NEDD4: variants seen among roughly 807,000 people sequenced by gnomAD.
NEDD4 encodes the protein E3 ubiquitin-protein ligase NEDD4.
In NEDD4, 99 loss-of-function variants were observed where a neutral mutation model predicts 144.9. That is an observed-to-expected ratio of 0.68 (90% CI 0.58 to 0.81). NEDD4 has a LOEUF of 0.81. Ranked by LOEUF, NEDD4 falls within the 30% of genes least tolerant of loss-of-function variation. The pLI, the probability that NEDD4 is intolerant of heterozygous loss-of-function variation, is 0.00. For missense variants in NEDD4, 985 were observed against 1,065.9 expected, an observed-to-expected ratio of 0.92 and a Z score of 1.06; for synonymous variants, 318 against 350.6, an observed-to-expected ratio of 0.91 and a Z score of 1.04.
At chr15:55,986,785 TG>T (rs1765319627) in intron 1 of NEDD4, among the ~76,000 whole-genome samples, 1 of 150,888 alleles carries the variant, frequency 6.6e-6, no homozygotes, top group Non-Finnish European at 1.5e-5. Context: ...TTAGTGGAGA[TG>T]GGGTTTCACC....
chr15:55,831,028 C>T (rs575612317), intron 27 of NEDD4, among the ~76,000 whole-genome samples: 18 of 152,244 alleles, frequency 1.2e-4, no homozygotes, highest in African/African-American at 3.9e-4. Flanking sequence ...AAATGATTCT[C>T]ATGCCTCAGC....
intron 5 of NEDD4, among the ~76,000 whole-genome samples, chr15:55,894,519 T>C (rs1288552126): frequency 6.6e-6 from 1 of 152,212 alleles, no homozygotes; most frequent in African/African-American, 2.4e-5. Flanking sequence ...CTTGAAATTC[T>C]ACGGCCCTTA....
intron 2 of NEDD4, among the ~76,000 whole-genome samples, chr15:55,955,864 G>A (rs1283165504): frequency 1.4e-5 from 2 of 146,294 alleles, no homozygotes; most frequent in Non-Finnish European, 1.5e-5. Context: ...CACCTAGGCT[G>A]GAGTAAGGTG....
At chr15:55,941,573 T>C (rs2037005652) in intron 4 of NEDD4, among the ~76,000 whole-genome samples, 1 of 151,798 alleles carries the variant, frequency 6.6e-6, no homozygotes, top group Admixed American at 6.6e-5. Flanking sequence ...ATTTCTTTTT[T>C]TTTTTTTTTG....
intron 2 of NEDD4, among the ~76,000 whole-genome samples, chr15:55,965,427 C>G (rs2037495729): frequency 6.6e-6 from 1 of 152,020 alleles, no homozygotes; most frequent in South Asian, 2.1e-4. Flanking sequence ...GTCTCAAACT[C>G]CTGAGCTCAA....
intron 1 of NEDD4, among the ~76,000 whole-genome samples, chr15:55,986,434 C>T (rs551599999): frequency 1.3e-5 from 2 of 152,162 alleles, no homozygotes; most frequent in South Asian, 4.2e-4. Context: ...TCATGTGTCC[C>T]CTGGTGTGAT....
intron 5 of NEDD4, among the ~76,000 whole-genome samples, chr15:55,913,323 TTAA>T (rs2036334289): frequency 6.6e-6 from 1 of 152,050 alleles, no homozygotes; most frequent in Non-Finnish European, 1.5e-5. Flanking sequence ...TATAATTAGA[TTAA>T]TATATAATTA....
At chr15:55,938,770 T>C (rs1394490404) in intron 4 of NEDD4, among the ~76,000 whole-genome samples, 1 of 150,448 alleles carries the variant, frequency 6.6e-6, no homozygotes, top group Non-Finnish European at 1.5e-5. Flanking sequence ...CATAACCCAA[T>C]AGTAAAAAAA....
At chr15:55,974,621 A>C (rs2037668153) in intron 1 of NEDD4, among the ~76,000 whole-genome samples, 1 of 152,148 alleles carries the variant, frequency 6.6e-6, no homozygotes, top group Admixed American at 6.5e-5. Context: ...CAACATACAC[A>C]AATGAAAGTC....
rs76156695 is a variant in NEDD4, at chr15:55,927,070, T to C, written c.238-2371A>G. 1.4e-4 allele frequency among the ~76,000 whole-genome samples: 13 copies of C among 94,708 alleles called. 1 individual carries two copies. In the East Asian group the frequency reaches 3.3e-3, roughly 24 times the overall value. The allele number at this position is 94,708 out of a possible 152,430, so 62.1% of individuals were successfully genotyped here. A position where few individuals can be genotyped will look rare whatever the true frequency, so the allele number is the denominator to read the frequency against. ...TCCAGCCTGGGCAACAGAGTGAGAC[T>C]ACGTCTCAAAAAAAAAAAAAAAAAA... On this transcript the variant is annotated intron_variant, in intron 4 of 28. Transcript: ENST00000435532.
Position 55,846,993 on chromosome 15 carries a change from G to T in NEDD4, c.1584C>A (p.Phe528Leu). 1 of 1,609,726 alleles carries T rather than the reference G, an allele frequency of 6.2e-7. No individual in the cohort carries two copies. Among genetic ancestry groups the T allele is most frequent in the South Asian group, 1.1e-5 (1 of 90,732 alleles). Reference sequence around the variant, plus strand: ...CCTGCTTCTTCAACTTTCTTCGGAAGAACTCATACTTTCTTTTGTAATCCC... The same window carrying T: ...CCTGCTTCTTCAACTTTCTTCGGAATAACTCATACTTTCTTTTGTAATCCC... Reference protein sequence around the residue: ...YSRDYKRKYEFFRRKLKKQND... With the variant: ...YSRDYKRKYELFRRKLKKQND... The change falls in exon 18 of 29, where the codon TTC becomes TTA. Residue 528 changes from phenylalanine (F) to leucine (L), a missense_variant. Transcript: ENST00000435532.
At position 55,917,197 on chromosome 15, in the gene NEDD4, C is replaced by A. The variant is rs376937793; in HGVS notation, c.291+7449G>T. 3 of 979,866 alleles carry A rather than the reference C, an allele frequency of 3.1e-6. No homozygotes were observed. In the African/African-American group the frequency reaches 5.6e-5, roughly 18 times the overall value. 60.7% of individuals were successfully genotyped at this position (979,866 alleles called of 1,614,324 possible). Reference sequence around the variant, plus strand: ...TTCTCCAATTTGCATGAATGAGTAACACAAGAACAACAATCTTCTAACATT... The same window carrying A: ...TTCTCCAATTTGCATGAATGAGTAAAACAAGAACAACAATCTTCTAACATT... On this transcript the variant is annotated intron_variant, in intron 5 of 28. Coordinates refer to ENST00000435532, the MANE Select transcript of NEDD4 (RefSeq NM_006154.4).
chr15:55,882,946 A>C (rs2035248535), intron 5 of NEDD4, among the ~76,000 whole-genome samples: 1 of 152,212 alleles, frequency 6.6e-6, no homozygotes, highest in South Asian at 2.1e-4. Context: ...TACAGGTTTC[A>C]GGTGAAATCC....
chr15:55,875,239 TA>T (rs2034953612), intron 5 of NEDD4, among the ~76,000 whole-genome samples: 1 of 152,136 alleles, frequency 6.6e-6, no homozygotes, highest in African/African-American at 2.4e-5. Flanking sequence ...AATAAGGTCA[TA>T]ATGAATGAAA....
At chr15:55,895,763 G>A (rs1180093846) in intron 5 of NEDD4, among the ~76,000 whole-genome samples, 2 of 152,210 alleles carry the variant, frequency 1.3e-5, no homozygotes, top group African/African-American at 4.8e-5. Context: ...GAAACCAGGA[G>A]GAGTGAGCAA....
At position 55,856,113 on chromosome 15, in the gene NEDD4, G is replaced by A. The variant is rs764612309; in HGVS notation, c.1026+18C>T. 2 of 1,597,974 alleles carry A rather than the reference G, an allele frequency of 1.3e-6. No individual in the cohort carries two copies. Among genetic ancestry groups the A allele is most frequent in the South Asian group, 1.1e-5 (1 of 90,698 alleles). On this transcript the variant is annotated intron_variant, in intron 12 of 28. Coordinates refer to ENST00000435532, the MANE Select transcript of NEDD4 (RefSeq NM_006154.4). Reference sequence around the variant, plus strand: ...AGTTTTATATTTTTATTGATTGATGGGAGAGGGTAAAACTCACCACAGGAA... The same window carrying A: ...AGTTTTATATTTTTATTGATTGATGAGAGAGGGTAAAACTCACCACAGGAA...
At chr15:55,845,058 C>G (rs910742377) in intron 18 of NEDD4, among the ~76,000 whole-genome samples, 1 of 152,092 alleles carries the variant, frequency 6.6e-6, no homozygotes, top group Non-Finnish European at 1.5e-5. Flanking sequence ...TGTCTAGATA[C>G]AGATTTTATT....
At chr15:55,958,361 C>G (rs1302817028) in intron 2 of NEDD4, among the ~76,000 whole-genome samples, 1 of 151,976 alleles carries the variant, frequency 6.6e-6, no homozygotes, top group African/African-American at 2.4e-5. Flanking sequence ...ACAAACCTTG[C>G]ATTTGTAGGA....
chr15:55,965,357 A>G (rs767371889), intron 2 of NEDD4, among the ~76,000 whole-genome samples: 48 of 151,902 alleles, frequency 3.2e-4, no homozygotes, highest in Non-Finnish European at 6.0e-4. Context: ...ATGCGCCACC[A>G]TGCCCAGCTG....
Sources: allele counts gnomAD v4.1 joint callset (sites outside exome capture counted in the v4.1 genomes callset), GRCh38; gene constraint gnomAD v4.1.1; transcripts MANE v1.5; gene names NCBI Gene and HGNC (gene_info 2026-07-23, HGNC 2026-07-21).